Variants in NUDC observed in about 807,000 individuals in gnomAD.
NUDC encodes the protein nuclear migration protein nudC.
In NUDC, 14 loss-of-function variants were observed where a neutral mutation model predicts 45.0. That is an observed-to-expected ratio of 0.31 (90% confidence interval 0.21 to 0.49). NUDC has a LOEUF of 0.49. NUDC is among the 20% of genes least tolerant of loss of function. The probability of loss-of-function intolerance (pLI) is 0.99; values close to 1 mark genes in which losing one functional copy is unlikely to be tolerated. For missense variants in NUDC, 323 were observed against 426.2 expected (o/e 0.76, Z 2.13); for synonymous variants, 153 against 156.7 (o/e 0.98, Z 0.17).
At chr1:26,939,525 G>T (rs768818887) in intron 2 of NUDC, among the ~76,000 whole-genome samples, 5 of 152,118 alleles carry the variant, frequency 3.3e-5, no homozygotes, top group Non-Finnish European at 5.9e-5. Context: ...CACTGGGGAG[G>T]CTGAAGTGGG....
At chr1:26,932,037 CAG>C (rs750777884) in intron 2 of NUDC, among the ~76,000 whole-genome samples, 2 of 149,280 alleles carry the variant, frequency 1.3e-5, no homozygotes, top group Non-Finnish European at 3.0e-5. Context: ...ATTTCTGAGA[CAG>C]AGTCTCACTC....
intron 2 of NUDC, among the ~76,000 whole-genome samples, chr1:26,904,716 T>C (rs2081995058): frequency 6.6e-6 from 1 of 152,216 alleles, no homozygotes; most frequent in Non-Finnish European, 1.5e-5. Flanking sequence ...TTACTTAATC[T>C]CTCTGTACCT....
rs61316361 is a variant in NUDC at position 26,939,799 on chromosome 1, T to C, written c.160-1658T>C. Among the ~76,000 whole-genome samples the C allele has an allele frequency of 4.2e-3, 634 of 152,244 alleles. 7 individuals are homozygous for C. Among genetic ancestry groups the C allele is most frequent in the African/African-American group, 0.015 (616 of 41,552 alleles). ...AGTAGATCTGGAGTGGGGCTTAAGA[T>C]TTAGCGTTTCTAACAGGTTCCAGGT... On this transcript the variant is annotated intron_variant, in intron 2 of 8. Transcript: ENST00000321265.
chr1:26,909,738 G>A (rs954121445), intron 2 of NUDC, among the ~76,000 whole-genome samples: 3 of 152,080 alleles, frequency 2.0e-5, no homozygotes, highest in Non-Finnish European at 2.9e-5. Flanking sequence ...AAGGTTACAC[G>A]GGGTGGTATG....
rs951056999 is a variant in NUDC, at chr1:26,946,457, G to C, written c.*276G>C. On this transcript the variant is annotated 3_prime_UTR_variant, in exon 9 of 9. Coordinates refer to ENST00000321265, the MANE Select transcript of NUDC (RefSeq NM_006600.4). ...GGGGCACAGGCCTCTTACGGCTGCTGCTGGGAACTGGGAGTTTGGCTTCTA... is the reference window on the plus strand; with the variant it reads ...GGGGCACAGGCCTCTTACGGCTGCTCCTGGGAACTGGGAGTTTGGCTTCTA... 2.1e-6 allele frequency: 1 copy of C among 486,250 alleles called. No homozygotes were observed. Among genetic ancestry groups the C allele is most frequent in the Admixed American group, 3.3e-5 (1 of 30,274 alleles). 30.1% of individuals were successfully genotyped at this position (486,250 alleles called of 1,614,324 possible). A position where few individuals can be genotyped will look rare whatever the true frequency, so the allele number is the denominator to read the frequency against.
At position 26,943,017 on chromosome 1, in the gene NUDC, C is replaced by T. The variant is rs769036067; in HGVS notation, c.693C>T (p.Ser231=). 1.4e-5 allele frequency: 23 copies of T among 1,613,974 alleles called. No individual in the cohort carries two copies. The highest frequency in any genetic ancestry group is 5.0e-5 in the Admixed American group (3 of 59,986). The change falls in exon 6 of 9, where the codon AGC becomes AGT. Residue 231 remains serine, a synonymous_variant. Transcript: ENST00000321265. ...ACAATGAAGTGAAGGTGGAGGAGAG[C>T]TCGTGGCTCATTGAGGACGGCAAGG... The part of the protein sequence containing the change: ...ELYNEVKVEE[S]SWLIEDGKVV...
intron 4 of NUDC, among the ~76,000 whole-genome samples, chr1:26,942,152 CATG>C (rs1182845604): frequency 6.6e-6 from 1 of 152,054 alleles, no homozygotes; most frequent in Non-Finnish European, 1.5e-5. Context: ...ATTAGCCAGG[CATG>C]GTGGTGGGCG....
intron 3 of NUDC, chr1:26,911,914 G>A (rs2082029054): frequency 6.2e-7 from 1 of 1,614,086 alleles, no homozygotes; most frequent in South Asian, 1.1e-5. Context: ...GGCGAAAGAA[G>A]AGGTCCCCAA....
At chr1:26,918,935 A>G (rs2082075737), upstream of NUDC, among the ~76,000 whole-genome samples, 1 of 151,006 alleles carries the variant, frequency 6.6e-6, no homozygotes. Context: ...ACACCACCAC[A>G]CCCAACTAAT....
intron 2 of NUDC, among the ~76,000 whole-genome samples, chr1:26,935,313 T>C (rs1553163852): frequency 6.6e-6 from 1 of 152,052 alleles, no homozygotes; most frequent in Non-Finnish European, 1.5e-5. Context: ...AATTACCCAG[T>C]CTAGGGTATT....
chr1:26,920,212 G>A (rs1570719751), upstream of NUDC, among the ~76,000 whole-genome samples: 1 of 152,152 alleles, frequency 6.6e-6, no homozygotes, highest in African/African-American at 2.4e-5. Context: ...AGAACAGGCC[G>A]GGCGCAGTGG....
In NUDC at chr1:26,945,946, T is replaced by C. The variant is rs537170126; in HGVS notation, c.945-184T>C. ...CACCTACAGGAAAACAATGCCAGTG[T>C]TGGTGCCTCAGCTTCCAGCCTCGGG... On this transcript the variant is annotated intron_variant, in intron 8 of 8. Coordinates refer to ENST00000321265, the MANE Select transcript of NUDC (RefSeq NM_006600.4). Among the ~76,000 whole-genome samples the C allele has an allele frequency of 5.9e-5, 9 of 152,234 alleles. No homozygotes were observed. In the South Asian group the frequency reaches 1.9e-3, roughly 32 times the overall value.
At chr1:26,916,410 A>T (rs1050074514) in intron 3 of NUDC, among the ~76,000 whole-genome samples, 1 of 151,850 alleles carries the variant, frequency 6.6e-6, no homozygotes, top group Non-Finnish European at 1.5e-5. Flanking sequence ...AAAAAACCCC[A>T]CACACAAAAC....
intron 1 of NUDC, 24 bp downstream of exon 1, chr1:26,921,953 C>A: frequency 6.5e-7 from 1 of 1,547,762 alleles, no homozygotes; most frequent in Non-Finnish European, 8.7e-7. Context: ...CGGCGTCGGC[C>A]CACCCGGCGG....
At chr1:26,930,113 C>T (rs1157391694) in intron 2 of NUDC, among the ~76,000 whole-genome samples, 1 of 152,174 alleles carries the variant, frequency 6.6e-6, no homozygotes. Context: ...TTAAATATTA[C>T]CAGAGATCCA....
At chr1:26,922,295 C>G (rs775127055) in intron 1 of NUDC, 3 of 352,192 alleles carry the variant, frequency 8.5e-6, no homozygotes, top group African/African-American at 4.4e-5. Context: ...TGGGGCGAGC[C>G]GTCGAATGTG....
At chr1:26,922,003 G>A in intron 1 of NUDC, 74 bp downstream of exon 1, 1 of 1,440,532 alleles carries the variant, frequency 6.9e-7, no homozygotes, top group South Asian at 1.2e-5. Context: ...GCCTTCGAGG[G>A]CTGAGACCCA....
At chr1:26,900,382 G>A (rs2081970954) in exon 1 of NUDC, 3 of 1,613,932 alleles carry the variant, frequency 1.9e-6, no homozygotes, top group South Asian at 1.1e-5. Context: ...AACACGGAGG[G>A]GATACCGCTC....
chr1:26,911,832 G>T, intron 3 of NUDC: 1 of 1,614,098 alleles, frequency 6.2e-7, no homozygotes, highest in Non-Finnish European at 8.5e-7. Flanking sequence ...ATCTCTGCCT[G>T]GGCTGGAACA....
Sources: allele counts gnomAD v4.1 joint callset (sites outside exome capture counted in the v4.1 genomes callset), GRCh38; gene constraint gnomAD v4.1.1; transcripts MANE v1.5; gene names NCBI Gene and HGNC (gene_info 2026-07-23, HGNC 2026-07-21).